TMEM132B: variants seen among roughly 807,000 people sequenced by gnomAD.
TMEM132B encodes the protein transmembrane protein 132B.
Under a neutral mutation model 90.8 loss-of-function variants are expected in TMEM132B, and 18 were observed. The ratio of observed to expected loss-of-function variants is 0.20; its 90% CI spans 0.14 to 0.29. TMEM132B has a LOEUF of 0.29. Among genes scored for constraint, TMEM132B ranks in the 10% least tolerant of loss-of-function variants. The pLI is 1.00. For synonymous variants in TMEM132B, 504 were observed against 523.3 expected (o/e 0.96, Z 0.50); for missense variants, 1,096 against 1,326.8 (o/e 0.83, Z 2.70).
intron 1 of TMEM132B, among the ~76,000 whole-genome samples, chr12:125,207,740 T>C (rs148802522): frequency 3.1e-3 from 473 of 152,316 alleles, no homozygotes; most frequent in Middle Eastern, 0.017. Flanking sequence ...AACTCCCGTT[T>C]CTCCCTTCTC....
At chr12:125,585,239 A>T (rs1885153311) in intron 5 of TMEM132B, 1 of 152,158 alleles carries the variant, frequency 6.6e-6, no homozygotes, top group African/African-American at 2.4e-5. Context: ...TCGTCCTTAG[A>T]TATGGAAGGT....
chr12:125,561,076 T>C (rs1044727581), intron 4 of TMEM132B, among the ~76,000 whole-genome samples: 26 of 152,278 alleles, frequency 1.7e-4, no homozygotes, highest in African/African-American at 6.3e-4. Flanking sequence ...TGCACACATA[T>C]GTTTATTGCG....
At chr12:125,269,190 T>C (rs989373078) in intron 1 of TMEM132B, among the ~76,000 whole-genome samples, 1 of 152,236 alleles carries the variant, frequency 6.6e-6, no homozygotes, top group African/African-American at 2.4e-5. Flanking sequence ...TGGTTTCCCT[T>C]AGGTTTACTT....
chr12:125,403,846 G>T (rs1306229466), intron 2 of TMEM132B, among the ~76,000 whole-genome samples: 1 of 152,212 alleles, frequency 6.6e-6, no homozygotes, highest in African/African-American at 2.4e-5. Flanking sequence ...TAGTTGACCA[G>T]CTAAGCCCAT....
intron 4 of TMEM132B, among the ~76,000 whole-genome samples, chr12:125,551,587 A>G (rs915380792): frequency 7.0e-6 from 1 of 143,496 alleles, no homozygotes; most frequent in African/African-American, 2.6e-5. Context: ...CTCCACATCT[A>G]TCTTTTTTTT....
chr12:125,486,076 G>A (rs369213415), intron 3 of TMEM132B, among the ~76,000 whole-genome samples: 2 of 152,100 alleles, frequency 1.3e-5, no homozygotes, highest in East Asian at 1.9e-4. Context: ...ACACTCATAA[G>A]ATTACCTCTG....
chr12:125,382,214 G>A (rs781722773), intron 2 of TMEM132B, among the ~76,000 whole-genome samples: 1 of 152,190 alleles, frequency 6.6e-6, no homozygotes, highest in Non-Finnish European at 1.5e-5. Flanking sequence ...GGTGCACCCA[G>A]TATCTCCAGG....
chr12:125,531,483 C>G (rs1475971499), intron 4 of TMEM132B, among the ~76,000 whole-genome samples: 1 of 152,198 alleles, frequency 6.6e-6, no homozygotes, highest in African/African-American at 2.4e-5. Flanking sequence ...GCCACTGTGC[C>G]TGGCCTGAGA....
At chr12:125,220,241 A>T (rs1873527410) in intron 1 of TMEM132B, among the ~76,000 whole-genome samples, 1 of 152,176 alleles carries the variant, frequency 6.6e-6, no homozygotes, top group South Asian at 2.1e-4. Flanking sequence ...CAATGGAGGT[A>T]TTTCTCATCA....
At chr12:125,290,871 A>T (rs1593071613) in intron 1 of TMEM132B, among the ~76,000 whole-genome samples, 2 of 152,212 alleles carry the variant, frequency 1.3e-5, no homozygotes, top group Admixed American at 1.3e-4. Flanking sequence ...AATTGAAGGT[A>T]CACATGCCCT....
intron 3 of TMEM132B, among the ~76,000 whole-genome samples, chr12:125,518,671 A>G (rs1883227374): frequency 6.6e-6 from 1 of 152,232 alleles, no homozygotes; most frequent in East Asian, 1.9e-4. Context: ...GGCTCCCTGC[A>G]CATACAAATA....
chr12:125,581,921 C>T (rs954633263), intron 4 of TMEM132B, among the ~76,000 whole-genome samples: 2 of 152,058 alleles, frequency 1.3e-5, no homozygotes, highest in African/African-American at 4.8e-5. Flanking sequence ...GAATTAAGCT[C>T]CCCGGGCAGA....
Position 125,492,620 on chromosome 12 carries a change from G to C in TMEM132B, c.1107-26819G>C, listed in dbSNP as rs575261267. On this transcript the variant is annotated intron_variant, in intron 3 of 8. Transcript: ENST00000682704. The surrounding 1 kb of genome is among the most constrained non-coding windows in gnomAD (Gnocchi z 5.8). The stretch of plus-strand genomic sequence containing the variant: ...TGGGTGAGGAGGCTACGGCAGCCTC[G>C]GGTCCCAGCAGGGCAGGCATGGGGT... Among the ~76,000 whole-genome samples, 1 of 152,112 alleles carries C rather than the reference G, an allele frequency of 6.6e-6. No homozygotes were observed. The highest frequency in any genetic ancestry group is 1.5e-5 in the Non-Finnish European group (1 of 68,006).
At chr12:125,202,384 G>A (rs776598248) in intron 1 of TMEM132B, among the ~76,000 whole-genome samples, 25 of 152,242 alleles carry the variant, frequency 1.6e-4, no homozygotes, top group Non-Finnish European at 2.6e-4. Flanking sequence ...CCAGAGGTCC[G>A]TCCTCTGCCC....
At chr12:125,329,138 T>A (rs977477346) in intron 1 of TMEM132B, among the ~76,000 whole-genome samples, 1 of 152,194 alleles carries the variant, frequency 6.6e-6, no homozygotes, top group Non-Finnish European at 1.5e-5. Context: ...TGAGTGCTTT[T>A]ATAAGTAGAG....
chr12:125,355,740 G>C (rs1593101543), intron 2 of TMEM132B, among the ~76,000 whole-genome samples: 2 of 152,190 alleles, frequency 1.3e-5, no homozygotes, highest in African/African-American at 4.8e-5. Context: ...TGAGGACCCA[G>C]ATCAAAGCGT....
intron 3 of TMEM132B, among the ~76,000 whole-genome samples, chr12:125,491,370 A>G (rs1882346206): frequency 6.6e-6 from 1 of 151,966 alleles, no homozygotes; most frequent in Non-Finnish European, 1.5e-5. Flanking sequence ...TGGATTACTA[A>G]TTACTAATAC....
chr12:125,467,205 G>GACA (rs35341677), intron 3 of TMEM132B, among the ~76,000 whole-genome samples: 6,635 of 152,262 alleles, frequency 0.044, 217 homozygotes, highest in Admixed American at 0.1. Context: ...TCAGAATGGA[G>GACA]ACAAGGAAGA....
At position 125,629,224 on chromosome 12, in the gene TMEM132B, G is replaced by T. The variant is rs150030016; in HGVS notation, c.1438-14852G>T. Reference sequence around the variant, plus strand: ...TTTTGATAGGGATTGCATTTAATCTGTAGATTGCTTTGGGTAGTATGCACA... The same window carrying T: ...TTTTGATAGGGATTGCATTTAATCTTTAGATTGCTTTGGGTAGTATGCACA... On this transcript the variant is annotated intron_variant, in intron 5 of 8. Coordinates refer to ENST00000682704, the MANE Select transcript of TMEM132B (RefSeq NM_001366854.1). Among the ~76,000 whole-genome samples, 1,203 of 151,976 alleles carry T rather than the reference G, an allele frequency of 7.9e-3. 14 individuals are homozygous for T. The highest frequency in any genetic ancestry group is 0.028 in the African/African-American group (1,150 of 41,468).
Sources: allele counts gnomAD v4.1 joint callset (sites outside exome capture counted in the v4.1 genomes callset), GRCh38; gene constraint gnomAD v4.1.1; non-coding constraint Gnocchi (gnomAD v3.1); transcripts MANE v1.5; gene names NCBI Gene and HGNC (gene_info 2026-07-23, HGNC 2026-07-21).